LY75: variants seen among roughly 807,000 people sequenced by gnomAD.
The protein encoded by LY75 is C-type lectin domain family 13 member B.
Under a neutral mutation model 231.7 loss-of-function variants are expected in LY75, and 185 were observed. The ratio of observed to expected loss-of-function variants is 0.80; its 90% CI spans 0.71 to 0.90. The LOEUF (loss-of-function observed/expected upper bound fraction) is 0.90, where lower values mean the gene tolerates loss of function less well. Among genes scored for constraint, LY75 ranks in the 40% least tolerant of loss-of-function variants. The probability of loss-of-function intolerance (pLI) is 0.00; values close to 1 mark genes in which losing one functional copy is unlikely to be tolerated. For missense variants in LY75, 1,947 were observed against 2,050.2 expected (o/e 0.95, Z 0.97); for synonymous variants, 668 against 689.0 (o/e 0.97, Z 0.48).
Position 159,894,073 on chromosome 2 carries a change from TG to T in LY75, c.477del (p.Arg160GlufsTer15). On this transcript the variant is annotated frameshift_variant, in exon 3 of 35. Coordinates refer to ENST00000263636, the MANE Select transcript of LY75 (RefSeq NM_002349.4). LOFTEE classifies it high-confidence loss of function. ...GGTCTCCCATAAGAGTTCCCATCTCTGGTATAGATCTCTGGGTTGGAGAGGA... is the reference window on the plus strand; with the variant it reads ...GGTCTCCCATAAGAGTTCCCATCTCTGTATAGATCTCTGGGTTGGAGAGGA... ...LCDQPYHEIY[T>X]RDGNSYGRPC... is the part of the protein sequence containing the mutation. The T allele has an allele frequency of 6.2e-7, 1 of 1,610,492 alleles. No homozygotes were observed. Among genetic ancestry groups the T allele is most frequent in the South Asian group, 1.1e-5 (1 of 90,410 alleles).
intron 14 of LY75, 74 bp from the exon 15 acceptor site, chr2:159,860,963 G>T: frequency 6.4e-7 from 1 of 1,556,068 alleles, no homozygotes. Flanking sequence ...AATTTAGGCA[G>T]CCTTAATCAC....
chr2:159,841,351 G>A (rs890261048), intron 24 of LY75, among the ~76,000 whole-genome samples: 26 of 152,058 alleles, frequency 1.7e-4, no homozygotes, highest in African/African-American at 5.6e-4. Flanking sequence ...CCATCCACAA[G>A]AGGAGGTATT....
intron 31 of LY75, among the ~76,000 whole-genome samples, chr2:159,811,774 G>C (rs982263814): frequency 2.0e-5 from 3 of 151,924 alleles, no homozygotes; most frequent in African/African-American, 7.3e-5. Flanking sequence ...TTTGAACTTC[G>C]GTTATTTGAT....
At chr2:159,836,835 A>G (rs551144832) in intron 25 of LY75, among the ~76,000 whole-genome samples, 49 of 152,098 alleles carry the variant, frequency 3.2e-4, no homozygotes, top group African/African-American at 1.2e-3. Context: ...ACTGCCCTGC[A>G]TTTCTTCCCC....
chr2:159,834,318 T>C (rs1377277439), intron 26 of LY75, 107 bp from the exon 27 acceptor site: 1 of 1,420,058 alleles, frequency 7.0e-7, no homozygotes, highest in Non-Finnish European at 9.6e-7. Context: ...AGCCGAGAAG[T>C]AATATCCTGG....
intron 28 of LY75, 101 bp from the exon 29 acceptor site, chr2:159,820,021 C>A: frequency 8.3e-7 from 1 of 1,208,886 alleles, no homozygotes. Context: ...TCTCTTTTCC[C>A]AACCTTCTAA....
chr2:159,880,503 A>C (rs1014024516), intron 8 of LY75, among the ~76,000 whole-genome samples: 9 of 152,198 alleles, frequency 5.9e-5, no homozygotes, highest in Non-Finnish European at 1.3e-4. Context: ...TCCTGAGAGA[A>C]AGCAGGTTGC....
intron 11 of LY75, 102 bp from the exon 12 acceptor site, chr2:159,875,745 T>TAA: frequency 6.4e-6 from 8 of 1,257,426 alleles, no homozygotes; most frequent in East Asian, 2.7e-5. Flanking sequence ...GGAGAGAGAA[T>TAA]AAAAAAAAAA....
chr2:159,869,424 T>A (rs1333404220), intron 13 of LY75, among the ~76,000 whole-genome samples: 2 of 152,096 alleles, frequency 1.3e-5, no homozygotes, highest in African/African-American at 4.8e-5. Context: ...ACTGGGTTAA[T>A]GTCAGTGAAA....
intron 25 of LY75, among the ~76,000 whole-genome samples, chr2:159,838,387 C>A (rs1282413579): frequency 6.6e-6 from 1 of 152,094 alleles, no homozygotes; most frequent in East Asian, 1.9e-4. Context: ...AGACCCAAAT[C>A]ATTAAGTGGG....
chr2:159,875,376 A>C, intron 12 of LY75, 68 bp downstream of exon 12: 1 of 1,562,994 alleles, frequency 6.4e-7, no homozygotes, highest in Non-Finnish European at 8.7e-7. Context: ...CATAATTTGT[A>C]CAAGGACATG....
chr2:159,842,209 A>G (rs1684056313), intron 24 of LY75, 36 bp downstream of exon 24: 1 of 1,595,616 alleles, frequency 6.3e-7, no homozygotes, highest in Non-Finnish European at 8.5e-7. Flanking sequence ...ATGTAATAGC[A>G]TAAAGTACCA....
At chr2:159,889,009 T>C (rs1346936029) in intron 4 of LY75, among the ~76,000 whole-genome samples, 1 of 152,196 alleles carries the variant, frequency 6.6e-6, no homozygotes, top group African/African-American at 2.4e-5. Flanking sequence ...TACAATTATT[T>C]GTCTTTCATT....
In LY75 at chr2:159,872,465, TA is replaced by T; in HGVS notation, c.2102del (p.Leu701Ter). 6.2e-7 allele frequency: 1 copy of T among 1,613,826 alleles called. No homozygotes were observed. The highest frequency in any genetic ancestry group is 1.7e-5 in the Admixed American group (1 of 59,958). ...VDEIKEFLHF[L>X]TDQFSGQHWL... The stretch of plus-strand genomic sequence containing the variant: ...TAAAGTATTACCTGAACTGGTCCGT[TA>T]AAAAGTGAAGAAATTCCTTTATTTC... On this transcript the variant is annotated frameshift_variant, in exon 13 of 35. Transcript: ENST00000263636. LOFTEE classifies it high-confidence loss of function.
chr2:159,873,004 C>T (rs1685063872), intron 12 of LY75, among the ~76,000 whole-genome samples: 1 of 152,140 alleles, frequency 6.6e-6, no homozygotes, highest in Admixed American at 6.6e-5. Context: ...CAGTGACCCA[C>T]ACAAAAATAG....
intron 24 of LY75, 64 bp from the exon 25 acceptor site, chr2:159,841,019 A>C (rs1001794170): frequency 1.0e-5 from 16 of 1,578,890 alleles, no homozygotes; most frequent in Non-Finnish European, 1.4e-5. Context: ...GTTATGGGAC[A>C]TTTTTTTCAC....
chr2:159,843,705 C>A (rs1401674220), intron 23 of LY75, among the ~76,000 whole-genome samples: 1 of 152,016 alleles, frequency 6.6e-6, no homozygotes, highest in Admixed American at 6.6e-5. Context: ...GAGCTTGGGC[C>A]CTTCACTGCT....
intron 33 of LY75, 106 bp downstream of exon 33, chr2:159,808,343 G>A: frequency 6.4e-7 from 1 of 1,572,100 alleles, no homozygotes; most frequent in Non-Finnish European, 8.6e-7. Context: ...ATCCAGAAGA[G>A]GCATCTGAAT....
In LY75 at chr2:159,854,156, AT is replaced by A. The variant is rs1204197914; in HGVS notation, c.2595+203del. On this transcript the variant is annotated intron_variant, in intron 18 of 34. Transcript: ENST00000263636. Reference sequence around the variant, plus strand: ...ACTGATGTTTACCTTATAAAGTGACATTTATTATTAATCTTGTATATTTTAA... The same window carrying A: ...ACTGATGTTTACCTTATAAAGTGACATTATTATTAATCTTGTATATTTTAA... Among the ~76,000 whole-genome samples, 3 of 152,262 alleles carry A rather than the reference AT, an allele frequency of 2.0e-5. No individual in the cohort carries two copies. The East Asian group carries it at 5.8e-4, about 29-fold the overall frequency.
Sources: allele counts gnomAD v4.1 joint callset (sites outside exome capture counted in the v4.1 genomes callset), GRCh38; gene constraint gnomAD v4.1.1; transcripts MANE v1.5; gene names NCBI Gene and HGNC (gene_info 2026-07-23, HGNC 2026-07-21).